The following LRP1B variants were observed in gnomAD, a reference collection of about 807,000 sequenced individuals.
The protein encoded by LRP1B is LDL receptor related protein 1B, also known as low-density lipoprotein receptor-related protein 1B.
LRP1B carries 217 observed loss-of-function variants against 556.6 expected under a neutral mutation model. That is an observed-to-expected ratio of 0.39 (90% confidence interval 0.35 to 0.44). The LOEUF is 0.44. LRP1B is among the 20% of genes least tolerant of loss of function. LRP1B has a pLI of 1.00. For synonymous variants in LRP1B, 2,047 were observed against 1,865.8 expected (o/e 1.10, Z -2.50); for missense variants, 5,053 against 5,620.8 (o/e 0.90, Z 3.23).
intron 3 of LRP1B, among the ~76,000 whole-genome samples, chr2:141,389,779 C>T (rs1689978724): frequency 6.6e-6 from 1 of 152,132 alleles, no homozygotes; most frequent in Admixed American, 6.5e-5. Flanking sequence ...ACTCTTACAA[C>T]TCAACAAAAA....
chr2:141,838,182 A>G (rs989783308), intron 1 of LRP1B, among the ~76,000 whole-genome samples: 3 of 152,112 alleles, frequency 2.0e-5, no homozygotes, highest in Admixed American at 2.0e-4. Context: ...ATAATCTATA[A>G]CGTAAGCTAT....
intron 66 of LRP1B, among the ~76,000 whole-genome samples, chr2:140,424,822 T>C (rs1330662765): frequency 6.6e-6 from 1 of 152,192 alleles, no homozygotes; most frequent in African/African-American, 2.4e-5. Flanking sequence ...TTGTTCTTCC[T>C]GGTTGCTGCC....
chr2:140,697,459 T>C (rs2105412932), intron 41 of LRP1B, among the ~76,000 whole-genome samples: 1 of 152,146 alleles, frequency 6.6e-6, no homozygotes, highest in African/African-American at 2.4e-5. Flanking sequence ...CTCGTTTTTT[T>C]CATCATCTTA....
intron 41 of LRP1B, among the ~76,000 whole-genome samples, chr2:140,689,697 G>GT (rs1372271605): frequency 6.6e-6 from 1 of 152,156 alleles, no homozygotes; most frequent in African/African-American, 2.4e-5. Flanking sequence ...GGATGTGTCA[G>GT]TTTTCCAGTT....
chr2:141,229,896 G>T (rs758129533), intron 5 of LRP1B, among the ~76,000 whole-genome samples: 1 of 152,134 alleles, frequency 6.6e-6, no homozygotes, highest in Non-Finnish European at 1.5e-5. Flanking sequence ...AACAAAGAGT[G>T]CACCTGTGAC....
chr2:141,205,451 G>A (rs1488017740), intron 6 of LRP1B, among the ~76,000 whole-genome samples: 11 of 152,144 alleles, frequency 7.2e-5, no homozygotes, highest in Non-Finnish European at 1.5e-4. Context: ...GAATGGGGTG[G>A]AACATTGAAA....
At chr2:142,042,780 A>G (rs1382938090) in intron 1 of LRP1B, among the ~76,000 whole-genome samples, 1 of 151,624 alleles carries the variant, frequency 6.6e-6, no homozygotes, top group Admixed American at 6.6e-5. Context: ...GAATTTATCC[A>G]GGGATAGAAG....
intron 2 of LRP1B, among the ~76,000 whole-genome samples, chr2:141,582,447 C>T (rs191478401): frequency 6.6e-4 from 101 of 152,292 alleles, no homozygotes; most frequent in African/African-American, 2.4e-3. Flanking sequence ...TGGCCACAGT[C>T]TTTCTCATGA....
chr2:140,386,877 A>C (rs1166958035), intron 66 of LRP1B, among the ~76,000 whole-genome samples: 2 of 152,184 alleles, frequency 1.3e-5, no homozygotes, highest in East Asian at 3.9e-4. Flanking sequence ...TGTATAGCTA[A>C]AACAGGGCTC....
chr2:141,262,933 A>G (rs1684753177), intron 3 of LRP1B, among the ~76,000 whole-genome samples: 1 of 151,896 alleles, frequency 6.6e-6, no homozygotes, highest in South Asian at 2.1e-4. Context: ...TTCCTAAAGA[A>G]TCCTACTAGG....
At chr2:141,768,458 GT>G (rs1186780120) in intron 2 of LRP1B, among the ~76,000 whole-genome samples, 2 of 151,998 alleles carry the variant, frequency 1.3e-5, no homozygotes, top group African/African-American at 4.8e-5. Flanking sequence ...GTTTTAAAGG[GT>G]TTTTTAATTT....
intron 43 of LRP1B, among the ~76,000 whole-genome samples, chr2:140,546,008 G>GTT (rs1229612034): frequency 7.0e-6 from 1 of 141,912 alleles, no homozygotes; most frequent in African/African-American, 2.8e-5. Context: ...GGTTGTGTGT[G>GTT]TGTGTGTGTG....
intron 66 of LRP1B, among the ~76,000 whole-genome samples, chr2:140,410,117 A>G (rs1215678666): frequency 6.6e-6 from 1 of 152,076 alleles, no homozygotes; most frequent in Non-Finnish European, 1.5e-5. Flanking sequence ...CCCTCATGAC[A>G]AGATTTGTTA....
intron 68 of LRP1B, 72 bp downstream of exon 68, chr2:140,378,108 G>A: frequency 9.9e-7 from 1 of 1,010,604 alleles, no homozygotes; most frequent in Non-Finnish European, 1.5e-6. Context: ...CGCACTTATT[G>A]GACTGAATAA....
intron 2 of LRP1B, among the ~76,000 whole-genome samples, chr2:141,596,706 G>C (rs1015986011): frequency 6.6e-6 from 1 of 151,944 alleles, no homozygotes; most frequent in South Asian, 2.1e-4. Context: ...TTTCACTTAA[G>C]AGACTTCAGT....
intron 46 of LRP1B, among the ~76,000 whole-genome samples, chr2:140,535,873 CTA>C (rs1574052937): frequency 6.6e-6 from 1 of 152,072 alleles, no homozygotes; most frequent in African/African-American, 2.4e-5. Context: ...TGGTGCAATT[CTA>C]TGTTTGATGT....
At chr2:141,749,755 T>C (rs73963593) in intron 2 of LRP1B, among the ~76,000 whole-genome samples, 4,621 of 152,182 alleles carry the variant, frequency 0.03, 228 homozygotes, top group African/African-American at 0.11. Context: ...CATATACATA[T>C]GTATGTAACA....
chr2:141,036,101 A>G (rs888362409), intron 11 of LRP1B, among the ~76,000 whole-genome samples: 27 of 152,090 alleles, frequency 1.8e-4, no homozygotes, highest in African/African-American at 5.3e-4. Flanking sequence ...AATCCAAACA[A>G]AAGCTTAGGT....
Position 140,371,286 on chromosome 2 carries a change from C to A in LRP1B, c.10769-1G>T, listed in dbSNP as rs2105167166. The A allele has an allele frequency of 6.6e-7, 1 of 1,518,090 alleles. No homozygotes were observed. Among genetic ancestry groups the A allele is most frequent in the Non-Finnish European group, 8.9e-7 (1 of 1,121,180 alleles). The allele number at this position is 1,518,090 out of a possible 1,614,324, so 94.0% of individuals were successfully genotyped here. A position where few individuals can be genotyped will look rare whatever the true frequency, so the allele number is the denominator to read the frequency against. ...TCACGTGATGAGCAAGTAGGAGAAG[C>A]TGAATACAATTATAAATTTGAAATT... On this transcript the variant is annotated splice_acceptor_variant, in intron 69 of 90. Transcript: ENST00000389484. LOFTEE classifies it high-confidence loss of function.
Sources: allele counts gnomAD v4.1 joint callset (sites outside exome capture counted in the v4.1 genomes callset), GRCh38; gene constraint gnomAD v4.1.1; transcripts MANE v1.5; gene names NCBI Gene and HGNC (gene_info 2026-07-23, HGNC 2026-07-21).